Variants in EGFLAM observed in about 807,000 individuals in gnomAD.
The protein encoded by EGFLAM is EGF like, fibronectin type III and laminin G domains.
In EGFLAM, 79 loss-of-function variants were observed where a neutral mutation model predicts 113.1. That is an observed-to-expected ratio of 0.70 (90% CI 0.58 to 0.84). The LOEUF is 0.84. EGFLAM is among the 40% of genes least tolerant of loss of function. EGFLAM has a pLI of 0.00. For missense variants in EGFLAM, 1,265 were observed against 1,291.6 expected, an observed-to-expected ratio of 0.98 and a Z score of 0.32; for synonymous variants, 504 against 487.6, an observed-to-expected ratio of 1.03 and a Z score of -0.44.
At position 38,337,590 on chromosome 5, in the gene EGFLAM, A is replaced by G; in HGVS notation, c.168A>G (p.Lys56=). 6.2e-7 allele frequency: 1 copy of G among 1,606,548 alleles called. No individual in the cohort carries two copies. The highest frequency in any genetic ancestry group is 8.5e-7 in the Non-Finnish European group (1 of 1,175,960). ...LNCTAFSIQW[K]MPRHPGSPIL... ...GTACGGCTTTCAGCATCCAGTGGAA[A>G]ATGCCAAGGCATCCTGGAAGTCCCA... The change falls in exon 2 of 22, where the codon AAA becomes AAG. Residue 56 remains lysine (K), a synonymous_variant. Transcript: ENST00000322350.
chr5:38,374,741 G>C (rs558164496), intron 6 of EGFLAM, among the ~76,000 whole-genome samples: 7 of 152,208 alleles, frequency 4.6e-5, no homozygotes, highest in Non-Finnish European at 8.8e-5. Context: ...ATGGGAAAAG[G>C]CTGTTAGTTT....
chr5:38,429,374 A>T (rs892513781), intron 14 of EGFLAM, among the ~76,000 whole-genome samples: 1 of 152,226 alleles, frequency 6.6e-6, no homozygotes. Flanking sequence ...TCACAAAATC[A>T]TTTGCCAAAG....
chr5:38,263,698 G>T (rs1455723744), intron 1 of EGFLAM, among the ~76,000 whole-genome samples: 1 of 152,142 alleles, frequency 6.6e-6, no homozygotes, highest in East Asian at 1.9e-4. Flanking sequence ...TTTTTTGAAA[G>T]CTTAACCCGT....
intron 1 of EGFLAM, among the ~76,000 whole-genome samples, chr5:38,291,483 G>A (rs1475615358): frequency 6.7e-6 from 1 of 149,340 alleles, no homozygotes; most frequent in Non-Finnish European, 1.5e-5. Flanking sequence ...GAACAGAAGA[G>A]GGAGCTGACT....
chr5:38,270,293 C>T (rs1243793179), intron 1 of EGFLAM, among the ~76,000 whole-genome samples: 1 of 152,180 alleles, frequency 6.6e-6, no homozygotes, highest in Non-Finnish European at 1.5e-5. Context: ...CAAGGACCAC[C>T]CAGATGACAC....
intron 15 of EGFLAM, among the ~76,000 whole-genome samples, chr5:38,433,903 T>C (rs1296053884): frequency 6.6e-6 from 1 of 152,148 alleles, no homozygotes; most frequent in Non-Finnish European, 1.5e-5. Flanking sequence ...TTTGGTCTAT[T>C]AATCTAATTG....
chr5:38,314,057 T>C (rs1409485004), intron 1 of EGFLAM, among the ~76,000 whole-genome samples: 1 of 152,244 alleles, frequency 6.6e-6, no homozygotes, highest in East Asian at 1.9e-4. Context: ...AAAGTAATTA[T>C]GCTGGGGTGA....
intron 6 of EGFLAM, chr5:38,404,009 C>T: frequency 1.3e-6 from 2 of 1,588,188 alleles, no homozygotes; most frequent in Non-Finnish European, 1.7e-6. Context: ...TATCCCACCT[C>T]CACCAAGAAG....
chr5:38,436,026 C>A (rs956897384), intron 16 of EGFLAM, among the ~76,000 whole-genome samples: 3 of 152,024 alleles, frequency 2.0e-5, no homozygotes, highest in Non-Finnish European at 4.4e-5. Context: ...CCATGTTGGC[C>A]AGGCTGGTCT....
chr5:38,451,757 G>A (rs778664588), intron 19 of EGFLAM: 56 of 273,884 alleles, frequency 2.0e-4, no homozygotes, highest in Non-Finnish European at 3.2e-4. Flanking sequence ...TCGGGAGGCC[G>A]AGGTGGGCAG....
At chr5:38,268,834 T>A (rs930005018) in intron 1 of EGFLAM, among the ~76,000 whole-genome samples, 2 of 152,188 alleles carry the variant, frequency 1.3e-5, no homozygotes, top group Admixed American at 1.3e-4. Context: ...AGTGCATATG[T>A]GCTATATGTT....
chr5:38,457,007 A>AT (rs1476998081), intron 19 of EGFLAM, among the ~76,000 whole-genome samples: 1 of 152,210 alleles, frequency 6.6e-6, no homozygotes, highest in Non-Finnish European at 1.5e-5. Flanking sequence ...TAAGGGGGAT[A>AT]TTTCTCTCTG....
chr5:38,350,405 C>T (rs1469120438), intron 3 of EGFLAM, 96 bp from the exon 4 acceptor site: 8 of 1,212,890 alleles, frequency 6.6e-6, no homozygotes, highest in Non-Finnish European at 9.5e-6. Flanking sequence ...CAAGCAGTTT[C>T]ACAGGGGCCT....
intron 6 of EGFLAM, among the ~76,000 whole-genome samples, chr5:38,378,589 C>A (rs949129863): frequency 6.6e-6 from 1 of 152,212 alleles, no homozygotes; most frequent in African/African-American, 2.4e-5. Context: ...TTAGCACTCT[C>A]TAGCAGCTTC....
intron 1 of EGFLAM, among the ~76,000 whole-genome samples, chr5:38,332,303 G>A (rs1006827174): frequency 2.6e-5 from 4 of 151,936 alleles, no homozygotes; most frequent in African/African-American, 9.7e-5. Context: ...TTTATTTTAG[G>A]TTTGGGGGTA....
At chr5:38,377,851 T>A (rs952871268) in intron 6 of EGFLAM, among the ~76,000 whole-genome samples, 3 of 152,192 alleles carry the variant, frequency 2.0e-5, no homozygotes, top group Admixed American at 6.5e-5. Flanking sequence ...GATAGCGGGT[T>A]GGTGAAAGGA....
At chr5:38,332,326 T>C (rs1403575937) in intron 1 of EGFLAM, among the ~76,000 whole-genome samples, 5 of 152,152 alleles carry the variant, frequency 3.3e-5, no homozygotes, top group Non-Finnish European at 7.3e-5. Flanking sequence ...TGTGAAGGTT[T>C]GTTACATAGG....
chr5:38,262,858 T>C (rs1248119493), intron 1 of EGFLAM, among the ~76,000 whole-genome samples: 2 of 152,216 alleles, frequency 1.3e-5, no homozygotes, highest in Non-Finnish European at 2.9e-5. Flanking sequence ...GTGGGATCAC[T>C]GCATCACATG....
At chr5:38,407,704 G>T (rs1034429599) in intron 8 of EGFLAM, 101 bp from the exon 9 acceptor site, 9 of 756,680 alleles carry the variant, frequency 1.2e-5, no homozygotes, top group Admixed American at 9.6e-5. Context: ...GATTAGTGAG[G>T]GTTCTCACTT....
Sources: allele counts gnomAD v4.1 joint callset (sites outside exome capture counted in the v4.1 genomes callset), GRCh38; gene constraint gnomAD v4.1.1; transcripts MANE v1.5; gene names NCBI Gene and HGNC (gene_info 2026-07-23, HGNC 2026-07-21).